The following BMPR1A variants were observed in gnomAD, a reference collection of about 807,000 sequenced individuals.
The protein encoded by BMPR1A is bone morphogenetic protein receptor type 1A.
BMPR1A carries 7 observed loss-of-function variants against 66.0 expected under a neutral mutation model. The observed-to-expected ratio is 0.11, with a 90% confidence interval of 0.06 to 0.20. The LOEUF (loss-of-function observed/expected upper bound fraction) is 0.20. BMPR1A is among the 10% of genes least tolerant of loss of function. The pLI, the probability that BMPR1A is intolerant of heterozygous loss-of-function variation, is 1.00. For missense variants in BMPR1A, 408 were observed against 669.1 expected (o/e 0.61, Z 4.31); for synonymous variants, 200 against 229.7 (o/e 0.87, Z 1.17).
At chr10:86,810,326 T>A (rs1841951653) in intron 1 of BMPR1A, among the ~76,000 whole-genome samples, 1 of 152,180 alleles carries the variant, frequency 6.6e-6, no homozygotes, top group Non-Finnish European at 1.5e-5. Context: ...CATTCGTTGG[T>A]TGATAAGGCA....
intron 2 of BMPR1A, among the ~76,000 whole-genome samples, chr10:86,870,046 A>G (rs11202240): frequency 7.0e-4 from 106 of 152,292 alleles, no homozygotes; most frequent in Middle Eastern, 6.8e-3. Flanking sequence ...TTTATCAGTG[A>G]ATACCACATC....
At chr10:86,892,102 T>A (rs372358552) in intron 4 of BMPR1A, 25 bp from the exon 5 acceptor site, 1 of 1,570,390 alleles carries the variant, frequency 6.4e-7, no homozygotes, top group African/African-American at 1.4e-5. Flanking sequence ...TATGTTTTGT[T>A]TTGTTTTGTT....
At chr10:86,762,317 T>G in intron 1 of BMPR1A, among the ~76,000 whole-genome samples, 1 of 152,244 alleles carries the variant, frequency 6.6e-6, no homozygotes, top group East Asian at 1.9e-4. Flanking sequence ...TATCGAGAAC[T>G]CCTTGTATGG....
chr10:86,930,629 A>G (rs35301882), downstream of BMPR1A: 24,925 of 152,220 alleles, frequency 0.16, 2,250 homozygotes, highest in African/African-American at 0.2. Flanking sequence ...CCATCAACCT[A>G]TTGCTCCTCT....
chr10:86,760,102 C>T (rs1841014361), intron 1 of BMPR1A, among the ~76,000 whole-genome samples: 1 of 149,840 alleles, frequency 6.7e-6, no homozygotes, highest in Non-Finnish European at 1.5e-5. Flanking sequence ...TCTGTAAGCC[C>T]AGTTCTTACC....
intron 1 of BMPR1A, among the ~76,000 whole-genome samples, chr10:86,785,337 C>T (rs1443387759): frequency 6.6e-6 from 1 of 152,166 alleles, no homozygotes; most frequent in African/African-American, 2.4e-5. Flanking sequence ...GGAGTTTCCG[C>T]TCTTGTTGCC....
chr10:86,787,237 A>G (rs1841530251), intron 1 of BMPR1A, among the ~76,000 whole-genome samples: 1 of 151,998 alleles, frequency 6.6e-6, no homozygotes, highest in Non-Finnish European at 1.5e-5. Flanking sequence ...AGCATTTAAT[A>G]GACCAGGAAC....
At chr10:86,931,298 C>CACACACACATATATATATATAT, downstream of BMPR1A, 13 of 90,908 alleles carry the variant, frequency 1.4e-4, no homozygotes, top group South Asian at 9.5e-4. Flanking sequence ...CACACACACA[C>CACACACACATATATATATATAT]ATATATATAT....
intron 1 of BMPR1A, among the ~76,000 whole-genome samples, chr10:86,835,994 A>G (rs768025344): frequency 5.3e-5 from 8 of 152,208 alleles, no homozygotes; most frequent in Non-Finnish European, 8.8e-5. Context: ...TGTCATTAAG[A>G]AGCTTGCATA....
chr10:86,822,772 AT>A (rs1175341941), intron 1 of BMPR1A, among the ~76,000 whole-genome samples: 1 of 151,990 alleles, frequency 6.6e-6, no homozygotes, highest in African/African-American at 2.4e-5. Flanking sequence ...AGTAGCTGGG[AT>A]TACAGGCCAC....
In BMPR1A at chr10:86,767,515, C is replaced by A. The variant is rs757778681; in HGVS notation, c.-268+10596C>A. On this transcript the variant is annotated intron_variant, in intron 1 of 12. Coordinates refer to ENST00000372037, the MANE Select transcript of BMPR1A (RefSeq NM_004329.3). ...GCAATATGTTGAGACTCTGTCTCTA[C>A]AAAAATTTAAAAATCAATGAGATGT... Among the ~76,000 whole-genome samples, 82 of 151,974 alleles carry A rather than the reference C, an allele frequency of 5.4e-4. 1 individual carries two copies. The highest frequency in any genetic ancestry group is 7.4e-5 in the Non-Finnish European group (5 of 67,988).
chr10:86,806,157 C>T (rs1332140202), intron 1 of BMPR1A, among the ~76,000 whole-genome samples: 6 of 152,134 alleles, frequency 3.9e-5, no homozygotes, highest in African/African-American at 1.2e-4. Flanking sequence ...ACATAAATGA[C>T]GACGTGTCCT....
At chr10:86,778,598 G>A (rs1003922680) in intron 1 of BMPR1A, among the ~76,000 whole-genome samples, 12 of 151,990 alleles carry the variant, frequency 7.9e-5, no homozygotes, top group African/African-American at 2.9e-4. Flanking sequence ...CTTTTTGTTC[G>A]GAACGTTTGA....
chr10:86,799,114 G>GT lies in BMPR1A; in HGVS notation c.-267-39744dup, dbSNP rs532891183. ...AACTTAAGGAGTTAAAGTTTTAGCT[G>GT]TTTTTTTCAAAGGATATTGTCCTTC... On this transcript the variant is annotated intron_variant, in intron 1 of 12. Coordinates refer to ENST00000372037, the MANE Select transcript of BMPR1A (RefSeq NM_004329.3). Among the ~76,000 whole-genome samples, 20 of 152,214 alleles carry GT rather than the reference G, an allele frequency of 1.3e-4. No homozygotes were observed. In the East Asian group the frequency reaches 2.7e-3, roughly 21 times the overall value.
At chr10:86,912,196 A>G in intron 7 of BMPR1A, 44 bp from the exon 8 acceptor site, 2 of 1,605,060 alleles carry the variant, frequency 1.2e-6, no homozygotes, top group Middle Eastern at 4.5e-4. Context: ...AGGGTTTTAT[A>G]GTTTTTCATT....
At chr10:86,867,587 TTG>T (rs1409528189) in intron 2 of BMPR1A, among the ~76,000 whole-genome samples, 1 of 152,232 alleles carries the variant, frequency 6.6e-6, no homozygotes, top group East Asian at 1.9e-4. Flanking sequence ...CTAGTTGTAA[TTG>T]TGAGACTTTT....
chr10:86,931,856 C>G (rs930313874), downstream of BMPR1A: 4 of 151,778 alleles, frequency 2.6e-5, no homozygotes, highest in African/African-American at 9.7e-5. Context: ...TTTTCCTTTT[C>G]TCTTTCTAGA....
At chr10:86,772,126 G>GTTTTTT (rs777280640) in intron 1 of BMPR1A, among the ~76,000 whole-genome samples, 3 of 88,872 alleles carry the variant, frequency 3.4e-5, no homozygotes, top group Admixed American at 1.5e-4. Context: ...TCAGAGATAG[G>GTTTTTT]TTTTTTTTTT....
intron 1 of BMPR1A, among the ~76,000 whole-genome samples, chr10:86,832,495 A>T (rs992574856): frequency 6.6e-6 from 1 of 152,194 alleles, no homozygotes; most frequent in African/African-American, 2.4e-5. Context: ...AATCATTGAA[A>T]AAATGTAGGC....
Sources: gnomAD v4.1 joint callset for allele counts (sites outside exome capture counted in the v4.1 genomes callset) on GRCh38, gnomAD v4.1.1 for gene constraint, MANE v1.5 for transcripts, NCBI Gene and HGNC (gene_info 2026-07-23, HGNC 2026-07-21) for gene names.